The following CYP4X1 variants were observed in gnomAD, a reference collection of about 807,000 sequenced individuals.
CYP4X1 encodes the protein cytochrome P450 4X1.
A neutral mutation model predicts 57.9 loss-of-function variants in CYP4X1; 44 were observed. The ratio of observed to expected loss-of-function variants is 0.76; its 90% CI spans 0.60 to 0.98. The LOEUF is 0.98. Among genes scored for constraint, CYP4X1 ranks in the 50% least tolerant of loss-of-function variants. The probability of loss-of-function intolerance (pLI) is 0.00; values close to 1 mark genes in which losing one functional copy is unlikely to be tolerated. For synonymous variants in CYP4X1, 227 were observed against 228.6 expected (o/e 0.99, Z 0.06); for missense variants, 532 against 623.9 (o/e 0.85, Z 1.57).
chr1:47,041,351 T>A (rs1371320530), intron 8 of CYP4X1, among the ~76,000 whole-genome samples: 1 of 151,504 alleles, frequency 6.6e-6, no homozygotes, highest in East Asian at 1.9e-4. Context: ...TATTTTTAAT[T>A]TTTTGAGGAA....
At chr1:46,993,153 A>G in the CYP4X1 span, among the ~76,000 whole-genome samples, 1 of 137,128 alleles carries the variant, frequency 7.3e-6, no homozygotes, top group African/African-American at 2.8e-5. Flanking sequence ...TCATTGTTCA[A>G]TTCCCACCTA....
rs1201593741 is a variant in CYP4X1 at position 47,050,299 on chromosome 1, CTG to C, written c.*128_*129del. On this transcript the variant is annotated 3_prime_UTR_variant, in exon 12 of 12. Transcript: ENST00000371901. The stretch of plus-strand genomic sequence containing the variant: ...TTGGAGGTTGGTGGGATAGGGGTCT[CTG>C]TGAAGAGATCCAAAATCATTTCTAG... The C allele has an allele frequency of 5.4e-5, 54 of 1,007,622 alleles. No individual in the cohort carries two copies. Among genetic ancestry groups the C allele is most frequent in the Non-Finnish European group, 7.5e-5 (51 of 684,436 alleles). The allele number at this position is 1,007,622 out of a possible 1,614,324, so 62.4% of individuals were successfully genotyped here.
the CYP4X1 span, among the ~76,000 whole-genome samples, chr1:46,991,350 C>T: frequency 6.6e-6 from 1 of 152,092 alleles, no homozygotes; most frequent in Non-Finnish European, 1.5e-5. Flanking sequence ...TCACAAGGGG[C>T]CTCATTAATT....
chr1:47,039,689 AATT>A, intron 8 of CYP4X1, 157 bp downstream of exon 8: 1 of 449,978 alleles, frequency 2.2e-6, no homozygotes, highest in South Asian at 9.1e-5. Context: ...GAGAGCTCCA[AATT>A]ATTCTCTTGT....
the CYP4X1 span, among the ~76,000 whole-genome samples, chr1:46,972,039 T>G: frequency 2.0e-5 from 3 of 152,232 alleles, no homozygotes; most frequent in Non-Finnish European, 4.4e-5. Context: ...TATTATATTC[T>G]AGGTTTTCTT....
the CYP4X1 span, among the ~76,000 whole-genome samples, chr1:46,987,952 C>T: frequency 6.6e-6 from 1 of 152,268 alleles, no homozygotes; most frequent in African/African-American, 2.4e-5. Flanking sequence ...AAAATTGACA[C>T]TCTAACTTCA....
At chr1:47,052,728 C>G (rs1329673246), downstream of CYP4X1, among the ~76,000 whole-genome samples, 1 of 151,904 alleles carries the variant, frequency 6.6e-6, no homozygotes, top group African/African-American at 2.4e-5. Flanking sequence ...TGTGTTTGCC[C>G]TAGAAATCTT....
At chr1:46,962,324 G>A in the CYP4X1 span, among the ~76,000 whole-genome samples, 1 of 152,158 alleles carries the variant, frequency 6.6e-6, no homozygotes, top group Non-Finnish European at 1.5e-5. Flanking sequence ...CACCATGTTG[G>A]TCAGGCTGGT....
the CYP4X1 span, among the ~76,000 whole-genome samples, chr1:46,989,217 C>T: frequency 1.3e-5 from 2 of 152,130 alleles, no homozygotes; most frequent in Non-Finnish European, 2.9e-5. Flanking sequence ...GATACAAAAT[C>T]AAAGTGCAAA....
chr1:47,029,138 C>T (rs1204081045), intron 1 of CYP4X1, among the ~76,000 whole-genome samples: 3 of 152,214 alleles, frequency 2.0e-5, no homozygotes, highest in African/African-American at 7.2e-5. Flanking sequence ...GAGGAAAAAT[C>T]TGGCAGCCTT....
the CYP4X1 span, among the ~76,000 whole-genome samples, chr1:47,000,259 A>G: frequency 6.6e-6 from 1 of 152,090 alleles, no homozygotes; most frequent in Non-Finnish European, 1.5e-5. Flanking sequence ...GCCTTCCACC[A>G]TGATTTTATG....
At chr1:46,984,434 A>G in the CYP4X1 span, among the ~76,000 whole-genome samples, 1 of 150,790 alleles carries the variant, frequency 6.6e-6, no homozygotes. Flanking sequence ...CTGAATAGGA[A>G]GAGCTCTGTC....
chr1:46,998,861 C>G, the CYP4X1 span, among the ~76,000 whole-genome samples: 1 of 152,074 alleles, frequency 6.6e-6, no homozygotes, highest in East Asian at 1.9e-4. Context: ...TGGTGCCTTT[C>G]TTGAAGATCT....
the CYP4X1 span, among the ~76,000 whole-genome samples, chr1:47,016,782 T>G: frequency 6.6e-6 from 1 of 152,256 alleles, no homozygotes; most frequent in South Asian, 2.1e-4. Flanking sequence ...AAAGTACAAT[T>G]AAATTGTTAT....
chr1:46,981,011 C>A, the CYP4X1 span, among the ~76,000 whole-genome samples: 1 of 152,134 alleles, frequency 6.6e-6, no homozygotes, highest in East Asian at 1.9e-4. Flanking sequence ...AAATATTAGA[C>A]CTAAAACCAT....
chr1:46,969,965 G>A, the CYP4X1 span, among the ~76,000 whole-genome samples: 9 of 152,136 alleles, frequency 5.9e-5, no homozygotes, highest in South Asian at 4.1e-4. Context: ...AACACACATC[G>A]GTTAAAACTT....
Position 47,038,765 on chromosome 1 carries a change from A to C in CYP4X1, c.881A>C (p.Lys294Thr), listed in dbSNP as rs1644213344. 1 of 1,607,560 alleles carries C rather than the reference A, an allele frequency of 6.2e-7. No individual in the cohort carries two copies. Residue 294 changes from lysine (K) to threonine (T), a missense_variant and splice_region_variant, in exon 7 of 12, where the codon AAG becomes ACG. Transcript: ENST00000371901. The stretch of plus-strand genomic sequence containing the variant: ...TTTCTGGATATTGTCCTTTCTGCCA[A>C]GGTAAATCTTCTAAATTTCTAAGCC... ...QDFLDIVLSA[K>T]DESGSSFSDI...
intron 4 of CYP4X1, among the ~76,000 whole-genome samples, chr1:47,033,734 C>T (rs1231807652): frequency 8.5e-5 from 13 of 152,254 alleles, no homozygotes; most frequent in African/African-American, 2.9e-4. Flanking sequence ...CTGACAGTTT[C>T]TTAAAAAGAA....
chr1:46,970,699 C>A, the CYP4X1 span, among the ~76,000 whole-genome samples: 1 of 152,130 alleles, frequency 6.6e-6, no homozygotes, highest in Non-Finnish European at 1.5e-5. Flanking sequence ...CTGTTTTAAC[C>A]ACCAGATAAT....
Sources: allele counts gnomAD v4.1 joint callset (sites outside exome capture counted in the v4.1 genomes callset), GRCh38; gene constraint gnomAD v4.1.1; transcripts MANE v1.5; gene names NCBI Gene and HGNC (gene_info 2026-07-23, HGNC 2026-07-21).